PSMA8: variants seen among roughly 807,000 people sequenced by gnomAD.
PSMA8 encodes proteasome subunit alpha-type 8.
PSMA8 carries 18 observed loss-of-function variants against 32.4 expected under a neutral mutation model. The ratio of observed to expected loss-of-function variants is 0.56; its 90% CI spans 0.38 to 0.82. The LOEUF (loss-of-function observed/expected upper bound fraction) is 0.82, where lower values mean the gene tolerates loss of function less well. PSMA8 is among the 40% of genes least tolerant of loss of function. The pLI, the probability that PSMA8 is intolerant of heterozygous loss-of-function variation, is 0.00. For synonymous variants in PSMA8, 104 were observed against 98.1 expected (o/e 1.06, Z -0.36); for missense variants, 298 against 300.7 (o/e 0.99, Z 0.07).
At chr18:26,135,022 A>C (rs2054900800) in intron 1 of PSMA8, among the ~76,000 whole-genome samples, 1 of 152,160 alleles carries the variant, frequency 6.6e-6, no homozygotes, top group Admixed American at 6.6e-5. Flanking sequence ...CAAAAGTCCA[A>C]GAACTTCCAC....
At chr18:26,140,824 C>T (rs1471786410) in intron 1 of PSMA8, among the ~76,000 whole-genome samples, 2 of 152,104 alleles carry the variant, frequency 1.3e-5, no homozygotes, top group Non-Finnish European at 1.5e-5. Context: ...ATCCATGAAC[C>T]CTCTAGGTCT....
intron 4 of PSMA8, among the ~76,000 whole-genome samples, chr18:26,159,546 G>T (rs553949471): frequency 6.6e-6 from 1 of 151,840 alleles, no homozygotes; most frequent in East Asian, 1.9e-4. Context: ...TTTAAAGCCT[G>T]CCATCTTCTG....
intron 4 of PSMA8, among the ~76,000 whole-genome samples, chr18:26,175,037 C>G (rs1458739111): frequency 6.6e-6 from 1 of 152,190 alleles, no homozygotes; most frequent in African/African-American, 2.4e-5. Context: ...ATATAATCCT[C>G]CAATTTATTG....
intron 6 of PSMA8, among the ~76,000 whole-genome samples, chr18:26,188,340 C>CAAAAAAAAAAAAAAAAAAAA (rs35512719): frequency 7.0e-6 from 1 of 143,660 alleles, no homozygotes; most frequent in Admixed American, 7.0e-5. Flanking sequence ...AAAAGGACAC[C>CAAAAAAAAAAAAAAAAAAAA]AAAAAAAAAA....
rs1366218298 is a variant in PSMA8, at chr18:26,141,706, CTTTTTTCT to C, written c.103-2846_103-2839del. Among the ~76,000 whole-genome samples, 399 of 128,046 alleles carry C rather than the reference CTTTTTTCT, an allele frequency of 3.1e-3. 3 individuals are homozygous for C. Among genetic ancestry groups the C allele is most frequent in the African/African-American group, 0.011 (378 of 33,052 alleles). The allele number at this position is 128,046 out of a possible 152,430, so 84.0% of individuals were successfully genotyped here. A position where few individuals can be genotyped will look rare whatever the true frequency, so the allele number is the denominator to read the frequency against. On this transcript the variant is annotated intron_variant, in intron 1 of 6. Transcript: ENST00000415576. ...TTTTTTTTCTTTTTTCTGTTTCTTT[CTTTTTTCT>C]TTTTTTTTTTTTTTTTTTTGAGAAA...
Position 26,134,011 on chromosome 18 carries a change from G to A in PSMA8, c.46G>A (p.Gly16Arg), listed in dbSNP as rs267605135. ...DRAITVFSPD[G>R]HLFQVEYAQE... ...GGCGATCACTGTCTTCTCCCCAGACGGACACCTTTTTCAAGTTGAATATGC... is the reference window on the plus strand; with the variant it reads ...GGCGATCACTGTCTTCTCCCCAGACAGACACCTTTTTCAAGTTGAATATGC... Residue 16 changes from glycine (G) to arginine (R), a missense_variant, in exon 1 of 7, where the codon GGA (glycine) becomes AGA (arginine). Transcript: ENST00000415576. The A allele has an allele frequency of 6.2e-7, 1 of 1,614,038 alleles. No homozygotes were observed.
At chr18:26,139,472 T>G (rs1292736852) in intron 1 of PSMA8, among the ~76,000 whole-genome samples, 1 of 152,212 alleles carries the variant, frequency 6.6e-6, no homozygotes, top group Non-Finnish European at 1.5e-5. Flanking sequence ...AGCTAAACTG[T>G]GTCCCGATTC....
At chr18:26,152,297 C>A (rs531678342) in intron 3 of PSMA8, among the ~76,000 whole-genome samples, 2 of 151,852 alleles carry the variant, frequency 1.3e-5, no homozygotes, top group South Asian at 2.1e-4. Flanking sequence ...AGAGAAGTAC[C>A]TTTTTTGTTT....
intron 2 of PSMA8, among the ~76,000 whole-genome samples, chr18:26,147,212 A>AAC (rs2055010685): frequency 7.0e-6 from 1 of 142,490 alleles, no homozygotes; most frequent in African/African-American, 2.6e-5. Flanking sequence ...CCCTGTCTCA[A>AAC]AAAAAAAAAA....
intron 6 of PSMA8, among the ~76,000 whole-genome samples, chr18:26,180,721 C>CACACACAA (rs2055304359): frequency 6.6e-6 from 1 of 151,960 alleles, no homozygotes; most frequent in African/African-American, 2.4e-5. Context: ...CACACACACA[C>CACACACAA]ACACACACAG....
intron 2 of PSMA8, 75 bp from the exon 3 acceptor site, chr18:26,151,783 C>A: frequency 1.5e-6 from 2 of 1,378,386 alleles, no homozygotes; most frequent in Non-Finnish European, 9.8e-7. Context: ...GTGAATAAAA[C>A]CCATTTGACA....
At chr18:26,152,463 C>G (rs2055054367) in intron 3 of PSMA8, among the ~76,000 whole-genome samples, 1 of 151,904 alleles carries the variant, frequency 6.6e-6, no homozygotes, top group Non-Finnish European at 1.5e-5. Context: ...TAGCTGTGAC[C>G]ATAGGCATAA....
chr18:26,188,149 C>T (rs1417049386), intron 6 of PSMA8, among the ~76,000 whole-genome samples: 1 of 151,254 alleles, frequency 6.6e-6, no homozygotes, highest in Non-Finnish European at 1.5e-5. Flanking sequence ...GGAAACTATA[C>T]GAATACATGG....
At chr18:26,158,098 T>C (rs748168859) in intron 3 of PSMA8, 24 bp from the exon 4 acceptor site, 5 of 1,514,866 alleles carry the variant, frequency 3.3e-6, no homozygotes, top group South Asian at 2.4e-5. Flanking sequence ...AGTTTTATTC[T>C]AAAAATACGT....
intron 4 of PSMA8, among the ~76,000 whole-genome samples, chr18:26,164,801 G>A (rs1269908770): frequency 6.6e-6 from 1 of 152,094 alleles, no homozygotes; most frequent in Non-Finnish European, 1.5e-5. Context: ...ATAATGTTGT[G>A]TCTGTTTTAA....
chr18:26,169,440 A>G (rs2055204605), intron 4 of PSMA8, among the ~76,000 whole-genome samples: 1 of 131,538 alleles, frequency 7.6e-6, no homozygotes, highest in South Asian at 2.2e-4. Context: ...AGCAACCATC[A>G]TCCCTCACTT....
chr18:26,190,160 G>A lies in PSMA8; in HGVS notation c.661-2159G>A, dbSNP rs150647971. Among the ~76,000 whole-genome samples, 685 of 152,210 alleles carry A rather than the reference G, an allele frequency of 4.5e-3. 5 individuals are homozygous for A. Among genetic ancestry groups the A allele is most frequent in the African/African-American group, 0.015 (616 of 41,530 alleles). On this transcript the variant is annotated intron_variant, in intron 6 of 6. Coordinates refer to ENST00000415576, the MANE Select transcript of PSMA8 (RefSeq NM_001025096.2). ...TAGAGGCTGGGAAGGGTAGTGGGGG[G>A]CAGGGGCAGGTGGGGATGGTTAATA... is the stretch of plus-strand genomic sequence containing the variant.
chr18:26,141,465 T>C (rs1406360504), intron 1 of PSMA8, among the ~76,000 whole-genome samples: 2 of 152,140 alleles, frequency 1.3e-5, no homozygotes, highest in Non-Finnish European at 2.9e-5. Context: ...TGTGAGAATA[T>C]TTTGAGATTT....
At chr18:26,144,971 A>T (rs2054991112) in intron 2 of PSMA8, among the ~76,000 whole-genome samples, 1 of 152,194 alleles carries the variant, frequency 6.6e-6, no homozygotes, top group African/African-American at 2.4e-5. Context: ...TACCAAAAAC[A>T]TAGAAAGTCC....
Sources: gnomAD v4.1 joint callset for allele counts (sites outside exome capture counted in the v4.1 genomes callset) on GRCh38, gnomAD v4.1.1 for gene constraint, MANE v1.5 for transcripts, NCBI Gene and HGNC (gene_info 2026-07-23, HGNC 2026-07-21) for gene names.